The following ABCA12 variants were observed in gnomAD, a reference collection of about 807,000 sequenced individuals.
The protein encoded by ABCA12 is glucosylceramide transporter ABCA12.
A neutral mutation model predicts 293.5 loss-of-function variants in ABCA12; 156 were observed. The ratio of observed to expected loss-of-function variants is 0.53; its 90% CI spans 0.47 to 0.61. ABCA12 has a LOEUF of 0.61. Among genes scored for constraint, ABCA12 ranks in the 20% least tolerant of loss-of-function variants. The probability of loss-of-function intolerance (pLI) is 0.00; values close to 1 mark genes in which losing one functional copy is unlikely to be tolerated. For synonymous variants in ABCA12, 1,063 were observed against 1,108.0 expected, an observed-to-expected ratio of 0.96 and a Z score of 0.81; for missense variants, 2,797 against 3,090.2, an observed-to-expected ratio of 0.91 and a Z score of 2.25.
In ABCA12 at chr2:215,019,684, C is replaced by G; in HGVS notation, c.1400G>C (p.Ser467Thr). The G allele has an allele frequency of 6.2e-7, 1 of 1,614,180 alleles. No individual in the cohort carries two copies. Among genetic ancestry groups the G allele is most frequent in the African/African-American group, 1.3e-5 (1 of 75,058 alleles). Reference protein sequence around the residue: ...DMSFGSLCEESEFDLQLLEAA... With the variant: ...DMSFGSLCEETEFDLQLLEAA... ...TTCGAGGAGTTGCAGATCAAACTCA[C>G]TTTCTTCACACAGGCTCCCAAAGCT... The change falls in exon 12 of 53, where the codon AGT (serine) becomes ACT (threonine). Residue 467 changes from serine to threonine, a missense_variant. Physicochemically the swap from Ser to Thr is moderately conservative, Grantham distance 58 (BLOSUM62 1). Around this residue, in one of 3 missense-constraint regions of ABCA12, gnomAD observed 656 missense variants for 638.2 expected, o/e 1.03. Transcript: ENST00000272895.
intron 51 of ABCA12, among the ~76,000 whole-genome samples, chr2:214,936,966 G>A (rs1453334721): frequency 2.0e-5 from 3 of 151,380 alleles, no homozygotes; most frequent in African/African-American, 7.3e-5. Context: ...TATGTGAAAG[G>A]ACTGTGTTAA....
intron 1 of ABCA12, among the ~76,000 whole-genome samples, chr2:215,119,625 G>A (rs1025004311): frequency 5.3e-5 from 8 of 151,188 alleles, no homozygotes; most frequent in African/African-American, 1.7e-4. Context: ...TGAGTATGTC[G>A]CTTTATTTCT....
At chr2:215,041,606 G>T (rs942909241) in intron 7 of ABCA12, among the ~76,000 whole-genome samples, 1 of 151,678 alleles carries the variant, frequency 6.6e-6, no homozygotes, top group Non-Finnish European at 1.5e-5. Context: ...CAGTATGGAG[G>T]TTCCTTAAAA....
chr2:214,943,168 C>T (rs1698462796), intron 49 of ABCA12, 151 bp from the exon 50 acceptor site: 13 of 652,754 alleles, frequency 2.0e-5, no homozygotes, highest in Non-Finnish European at 3.0e-5. Context: ...GATAGGGTGT[C>T]ACTCTGTTGC....
At chr2:214,968,534 T>A in intron 38 of ABCA12, among the ~76,000 whole-genome samples, 186 bp downstream of exon 38, 1 of 152,116 alleles carries the variant, frequency 6.6e-6, no homozygotes, top group Non-Finnish European at 1.5e-5. Flanking sequence ...TGTACGTGTG[T>A]CCTGATGCTA....
chr2:214,945,099 C>T lies in ABCA12; in HGVS notation c.7245G>A (p.Glu2415=), dbSNP rs536949748. 4 of 1,612,950 alleles carry T rather than the reference C, an allele frequency of 2.5e-6. No individual in the cohort carries two copies. In the Admixed American group the frequency reaches 6.7e-5, roughly 27 times the overall value. The change falls in exon 49 of 53, where the codon GAG becomes GAA. Residue 2415 remains glutamate (E), a synonymous_variant. Transcript: ENST00000272895. ...IGKPSILLLD[E]PSSGMDPKSK... ...ACTTCGGATCCATGCCAGAGCTCGG[C>T]TCATCCTTAATAGAAAGTTACAACA...
At chr2:215,112,799 G>A (rs1434891666) in intron 1 of ABCA12, among the ~76,000 whole-genome samples, 3 of 151,978 alleles carry the variant, frequency 2.0e-5, no homozygotes, top group African/African-American at 7.2e-5. Context: ...TGCCCGGCCT[G>A]AAATTTTCAT....
At chr2:214,968,634 T>C (rs2105949791) in intron 38 of ABCA12, 86 bp downstream of exon 38, 1 of 1,325,878 alleles carries the variant, frequency 7.5e-7, no homozygotes, top group Middle Eastern at 2.0e-4. Context: ...GTACCCATAT[T>C]TTGTTTTCAC....
intron 10 of ABCA12, 42 bp downstream of exon 10, chr2:215,026,778 A>G (rs749321023): frequency 4.0e-6 from 6 of 1,486,090 alleles, no homozygotes; most frequent in Non-Finnish European, 5.6e-6. Flanking sequence ...GAACAGAGGT[A>G]GAAACCATGA....
In ABCA12 at chr2:215,016,008, G is replaced by A. The variant is rs567573077; in HGVS notation, c.1783-345C>T. Among the ~76,000 whole-genome samples the A allele has an allele frequency of 1.7e-4, 26 of 152,050 alleles. No individual in the cohort carries two copies. In the East Asian group the frequency reaches 5.1e-3, roughly 30 times the overall value. The stretch of plus-strand genomic sequence containing the variant: ...AGATACAATAAATTAGCCGGGCGTG[G>A]TGGCGGGCGCCTGTAATACCAGCTA... On this transcript the variant is annotated intron_variant, in intron 14 of 52. Coordinates refer to ENST00000272895, the MANE Select transcript of ABCA12 (RefSeq NM_173076.3).
At chr2:215,054,131 C>A (rs1426370831) in intron 4 of ABCA12, among the ~76,000 whole-genome samples, 1 of 152,068 alleles carries the variant, frequency 6.6e-6, no homozygotes, top group African/African-American at 2.4e-5. Flanking sequence ...CCTTCTAATG[C>A]CAGCTCTGCT....
chr2:215,010,944 A>G (rs1174128780), intron 17 of ABCA12, among the ~76,000 whole-genome samples: 2 of 152,186 alleles, frequency 1.3e-5, no homozygotes, highest in Admixed American at 1.3e-4. Flanking sequence ...TGCATCTCCA[A>G]GTTTATAGAT....
At position 215,019,577 on chromosome 2, in the gene ABCA12, T is replaced by C. The variant is rs764705646; in HGVS notation, c.1507A>G (p.Thr503Ala). The change falls in exon 12 of 53, where the codon ACT becomes GCT. Residue 503 changes from threonine to alanine, a missense_variant. Thr to Ala is a moderately conservative substitution (Grantham distance 58). Coordinates refer to ENST00000272895, the MANE Select transcript of ABCA12 (RefSeq NM_173076.3). The stretch of plus-strand genomic sequence containing the variant: ...AAATTAATTTTGCTTGGATCTCCAG[T>C]CAGCAAATCTCTCACTTTTTTAGAT... ...VISKKVRDLL[T>A]GDPSKINLNM... The C allele has an allele frequency of 1.9e-6, 3 of 1,614,112 alleles. No individual in the cohort carries two copies. In the African/African-American group the frequency reaches 4.0e-5, roughly 22 times the overall value.
chr2:214,938,903 A>G (rs2105912841), intron 50 of ABCA12, among the ~76,000 whole-genome samples: 1 of 152,210 alleles, frequency 6.6e-6, no homozygotes. Context: ...CCCGTTCTGT[A>G]GGTTGCCTGT....
At chr2:215,055,719 G>GAAA (rs1701407526) in intron 3 of ABCA12, among the ~76,000 whole-genome samples, 1 of 89,184 alleles carries the variant, frequency 1.1e-5, no homozygotes, top group African/African-American at 4.9e-5. Context: ...AGAAAAAGAA[G>GAAA]TGATATTTGT....
chr2:214,950,746 CCACCCA>C, intron 45 of ABCA12, 127 bp downstream of exon 45: 6 of 906,858 alleles, frequency 6.6e-6, no homozygotes, highest in Non-Finnish European at 1.0e-5. Context: ...CTCAAGTGAT[CCACCCA>C]CCTCGGCCTC....
Position 215,064,056 on chromosome 2 carries a change from G to T in ABCA12, c.317+10C>A. On this transcript the variant is annotated intron_variant, in intron 3 of 52. Coordinates refer to ENST00000272895, the MANE Select transcript of ABCA12 (RefSeq NM_173076.3). Reference sequence around the variant, plus strand: ...CAGAACAATTGAACACACTTGAGAAGTGCCCCCACCTGTCTTTAAATAGTG... The same window carrying T: ...CAGAACAATTGAACACACTTGAGAATTGCCCCCACCTGTCTTTAAATAGTG... 1 of 1,612,418 alleles carries T rather than the reference G, an allele frequency of 6.2e-7. No homozygotes were observed. Among genetic ancestry groups the T allele is most frequent in the Non-Finnish European group, 8.5e-7 (1 of 1,178,838 alleles).
At chr2:215,042,633 T>C (rs1701122145) in intron 7 of ABCA12, among the ~76,000 whole-genome samples, 1 of 152,198 alleles carries the variant, frequency 6.6e-6, no homozygotes, top group African/African-American at 2.4e-5. Flanking sequence ...ATGTATACAA[T>C]GTGTAAAGCT....
intron 2 of ABCA12, among the ~76,000 whole-genome samples, chr2:215,086,460 G>A (rs114971705): frequency 3.9e-5 from 6 of 152,270 alleles, no homozygotes; most frequent in African/African-American, 1.4e-4. Context: ...CATGAGGGGT[G>A]TTGGAAGTAA....
Sources: gnomAD v4.1 joint callset for allele counts (sites outside exome capture counted in the v4.1 genomes callset) on GRCh38, gnomAD v4.1.1 for gene constraint, gnomAD v4.1.1 regional missense constraint, MANE v1.5 for transcripts, NCBI Gene and HGNC (gene_info 2026-07-23, HGNC 2026-07-21) for gene names.